RBM5: variants seen among roughly 807,000 people sequenced by gnomAD.
RBM5 encodes the protein RNA-binding protein 5.
A neutral mutation model predicts 124.6 loss-of-function variants in RBM5; 15 were observed. That is an observed-to-expected ratio of 0.12 (90% CI 0.08 to 0.19). RBM5 has a LOEUF of 0.19. Among genes scored for constraint, RBM5 ranks in the 10% least tolerant of loss-of-function variants. The probability of loss-of-function intolerance (pLI) is 1.00; values close to 1 mark genes in which losing one functional copy is unlikely to be tolerated. For missense variants in RBM5, 580 were observed against 1,026.5 expected (o/e 0.57, Z 5.94); for synonymous variants, 337 against 361.2 (o/e 0.93, Z 0.76).
intron 3 of RBM5, chr3:50,092,628 G>A (rs528770820): frequency 5.5e-6 from 2 of 361,198 alleles, no homozygotes; most frequent in South Asian, 4.2e-5. Flanking sequence ...GTACTTTTGA[G>A]CACTTGACTT....
intron 9 of RBM5, 89 bp from the exon 10 acceptor site, chr3:50,105,460 A>G: frequency 7.5e-7 from 1 of 1,329,654 alleles, no homozygotes; most frequent in Non-Finnish European, 1.0e-6. Flanking sequence ...TCACAAATGG[A>G]TTTGTATGTA....
chr3:50,103,883 T>C (rs1056414081), intron 7 of RBM5, among the ~76,000 whole-genome samples: 1 of 152,220 alleles, frequency 6.6e-6, no homozygotes, highest in African/African-American at 2.4e-5. Context: ...CCCTGTCCAG[T>C]AGGGGACTAG....
At chr3:50,110,328 T>G (rs1425164083) in intron 15 of RBM5, 51 bp from the exon 16 acceptor site, 1 of 1,523,746 alleles carries the variant, frequency 6.6e-7, no homozygotes, top group Non-Finnish European at 9.1e-7. Context: ...GATTTAGCTC[T>G]CTTAAAAGGC....
chr3:50,089,230 C>G (rs2090655640), intron 1 of RBM5, among the ~76,000 whole-genome samples: 2 of 152,242 alleles, frequency 1.3e-5, no homozygotes, highest in Non-Finnish European at 2.9e-5. Flanking sequence ...GCCAGCTCAG[C>G]CTTGGGCCTG....
intron 14 of RBM5, 45 bp downstream of exon 14, chr3:50,108,349 A>C: frequency 6.7e-7 from 1 of 1,494,364 alleles, no homozygotes; most frequent in Non-Finnish European, 9.3e-7. Context: ...AAGCACTTAC[A>C]GTTGAAGAAA....
At position 50,114,221 on chromosome 3, in the gene RBM5, G is replaced by A. The variant is rs1057177999; in HGVS notation, c.1809G>A (p.Val603=). 2 of 1,611,914 alleles carry A rather than the reference G, an allele frequency of 1.2e-6. No homozygotes were observed. Among genetic ancestry groups the A allele is most frequent in the Non-Finnish European group, 8.5e-7 (1 of 1,179,492 alleles). The change falls in exon 20 of 25, where the codon GTG becomes GTA. Residue 603 remains valine (V), a synonymous_variant. Transcript: ENST00000347869. ...GGCAGCAGCTCATCCCAGAATTGGT[G>A]CGAAATGGAGATGAGGAGAATCCCC... The part of the protein sequence containing the change: ...AERQQLIPEL[V]RNGDEENPLK...
chr3:50,091,661 A>G (rs1348297228), intron 2 of RBM5, among the ~76,000 whole-genome samples: 1 of 152,214 alleles, frequency 6.6e-6, no homozygotes, highest in African/African-American at 2.4e-5. Flanking sequence ...ACCCTTTAAA[A>G]TTGGGTGAAA....
chr3:50,089,492 G>C (rs563206645), intron 1 of RBM5, among the ~76,000 whole-genome samples: 1 of 152,370 alleles, frequency 6.6e-6, no homozygotes, highest in African/African-American at 2.4e-5. Flanking sequence ...CCGGACGCTG[G>C]AGTCGGTCGA....
At chr3:50,106,423 C>T (rs1382295548) in intron 10 of RBM5, among the ~76,000 whole-genome samples, 5 of 152,092 alleles carry the variant, frequency 3.3e-5, no homozygotes, top group Admixed American at 6.6e-5. Flanking sequence ...CGCCCAGCCA[C>T]GCCCAGCTAA....
chr3:50,093,965 T>C, intron 4 of RBM5, 90 bp downstream of exon 4: 3 of 1,438,482 alleles, frequency 2.1e-6, no homozygotes, highest in Non-Finnish European at 2.9e-6. Context: ...TTGTTTTATC[T>C]TAAGCCAATA....
chr3:50,109,687 C>A lies in RBM5; in HGVS notation c.1277C>A (p.Pro426Gln), dbSNP rs138305114. ...YNQTSNPPGS[P>Q]TEEAQPSTST... is the part of the protein sequence containing the mutation. The stretch of plus-strand genomic sequence containing the variant: ...CAAACCTCCAATCCACCTGGCTCTC[C>A]GGTAATCCTGTTGTCCTATATACAA... The change falls in exon 15 of 25, where the codon CCG (proline) becomes CAG (glutamine). Residue 426 changes from proline to glutamine, a missense_variant and splice_region_variant. Pro to Gln is a moderately conservative substitution (Grantham distance 76, BLOSUM62 -1). Transcript: ENST00000347869. 29 of 1,611,574 alleles carry A rather than the reference C, an allele frequency of 1.8e-5. No homozygotes were observed. The highest frequency in any genetic ancestry group is 2.5e-5 in the Non-Finnish European group (29 of 1,177,694).
intron 10 of RBM5, among the ~76,000 whole-genome samples, chr3:50,106,127 T>TA (rs2091025075): frequency 9.9e-6 from 1 of 100,666 alleles, no homozygotes; most frequent in Non-Finnish European, 2.0e-5. Context: ...TATTTTTTTT[T>TA]TTTTTTTTTT....
chr3:50,107,183 G>A (rs147619144), intron 11 of RBM5: 83 of 632,900 alleles, frequency 1.3e-4, no homozygotes, highest in African/African-American at 4.3e-4. Context: ...CCAGAACAGC[G>A]TGCTAATAAT....
chr3:50,115,494 A>G lies in RBM5; in HGVS notation c.1906A>G (p.Ser636Gly), dbSNP rs749154117. The change falls in exon 21 of 25, where the codon AGT (serine) becomes GGT (glycine). Residue 636 changes from serine to glycine, a missense_variant. Ser to Gly is a moderately conservative substitution (Grantham distance 56). Around this residue, in one of 6 missense-constraint regions of RBM5, gnomAD observed 234 missense variants for 435.1 expected, o/e 0.54. Coordinates refer to ENST00000347869, the MANE Select transcript of RBM5 (RefSeq NM_005778.4). ...GGAGGAGCTGGTGGAGAGACTTGAG[A>G]GTGAGGAAGAGAAGCTAGCTGACTG... is the stretch of plus-strand genomic sequence containing the variant. ...NEEELVERLESEEEKLADWKK... is the reference protein window; with the variant it reads ...NEEELVERLEGEEEKLADWKK... 2 of 1,613,966 alleles carry G rather than the reference A, an allele frequency of 1.2e-6. No individual in the cohort carries two copies. The highest frequency in any genetic ancestry group is 3.3e-5 in the Admixed American group (2 of 59,974).
chr3:50,114,659 C>A (rs1210540453), intron 20 of RBM5: 1 of 166,272 alleles, frequency 6.0e-6, no homozygotes, highest in African/African-American at 2.4e-5. Context: ...GTCTAGGCAA[C>A]ATTGCAAGAC....
At position 50,100,328 on chromosome 3, in the gene RBM5, A is replaced by G. The variant is rs566688858; in HGVS notation, c.410-204A>G. ...GTTGCATGGTTACTTTAAGCGTGGA[A>G]TCAAATGGAGTGGCATTTAGTTCAG... On this transcript the variant is annotated intron_variant, in intron 5 of 24. Transcript: ENST00000347869. This position sits in a 1 kb window ranked among gnomAD's most constrained non-coding sequence, Gnocchi z 5.1. 109 of 559,872 alleles carry G rather than the reference A, an allele frequency of 1.9e-4. No homozygotes were observed. Among genetic ancestry groups the G allele is most frequent in the Non-Finnish European group, 3.1e-4 (99 of 318,384 alleles). 34.7% of individuals were successfully genotyped at this position (559,872 alleles called of 1,614,324 possible). A position where few individuals can be genotyped will look rare whatever the true frequency, so the allele number is the denominator to read the frequency against.
intron 4 of RBM5, among the ~76,000 whole-genome samples, chr3:50,097,702 T>TA (rs1224296250): frequency 6.6e-6 from 1 of 152,228 alleles, no homozygotes; most frequent in African/African-American, 2.4e-5. Context: ...CAGAATACTT[T>TA]ATTCTAGCCC....
intron 6 of RBM5, chr3:50,101,776 T>G (rs896472545): frequency 1.3e-5 from 2 of 152,240 alleles, no homozygotes; most frequent in Admixed American, 1.3e-4. Flanking sequence ...TATACAAAGC[T>G]ATGTTACTGT....
At chr3:50,097,075 A>C (rs1210478523) in intron 4 of RBM5, among the ~76,000 whole-genome samples, 3 of 152,120 alleles carry the variant, frequency 2.0e-5, no homozygotes, top group Admixed American at 1.3e-4. Context: ...TAGAGTTCTC[A>C]AAAGTCTAGC....
Sources: gnomAD v4.1 joint callset for allele counts (sites outside exome capture counted in the v4.1 genomes callset) on GRCh38, gnomAD v4.1.1 for gene constraint, gnomAD v4.1.1 regional missense constraint, Gnocchi (gnomAD v3.1) non-coding constraint, MANE v1.5 for transcripts, NCBI Gene and HGNC (gene_info 2026-07-23, HGNC 2026-07-21) for gene names.